ANO4: variants seen among roughly 807,000 people sequenced by gnomAD.
ANO4 encodes the protein anoctamin 4, also known as anoctamin-4.
A neutral mutation model predicts 141.9 loss-of-function variants in ANO4; 69 were observed. The observed-to-expected ratio is 0.49, with a 90% CI of 0.40 to 0.59. The LOEUF is 0.59. Among genes scored for constraint, ANO4 ranks in the 20% least tolerant of loss-of-function variants. The pLI is 0.00. For synonymous variants in ANO4, 350 were observed against 394.3 expected (o/e 0.89, Z 1.33); for missense variants, 894 against 1,162.2 (o/e 0.77, Z 3.36).
chr12:100,942,214 C>T (rs1426354794), intron 4 of ANO4, among the ~76,000 whole-genome samples, 163 bp from the exon 5 acceptor site: 5 of 151,984 alleles, frequency 3.3e-5, no homozygotes, highest in African/African-American at 4.8e-5. Flanking sequence ...CTCCTGACCT[C>T]GTGATCCACC....
intron 25 of ANO4, 35 bp from the exon 26 acceptor site, chr12:101,120,485 T>G: frequency 6.4e-7 from 1 of 1,556,360 alleles, no homozygotes; most frequent in East Asian, 2.2e-5. Context: ...AGAAAAATCA[T>G]AGTTTGAATG....
intron 14 of ANO4, chr12:101,068,566 G>A: frequency 1.4e-6 from 2 of 1,380,236 alleles, no homozygotes; most frequent in Non-Finnish European, 2.1e-6. Context: ...CTAAAGAGAT[G>A]TTTGGTGGCT....
intron 8 of ANO4, among the ~76,000 whole-genome samples, chr12:101,019,602 T>C (rs556459286): frequency 5.0e-4 from 76 of 152,266 alleles, no homozygotes; most frequent in Admixed American, 3.0e-3. Flanking sequence ...AACTCCTATA[T>C]CCACCACCCA....
chr12:101,042,816 T>G (rs1414136216), intron 12 of ANO4, among the ~76,000 whole-genome samples: 1 of 152,222 alleles, frequency 6.6e-6, no homozygotes, highest in Non-Finnish European at 1.5e-5. Flanking sequence ...CAATTCTCTC[T>G]TATGAATTCT....
Position 100,806,524 on chromosome 12 carries a change from G to GTTT in ANO4, c.-141+11531_-141+11533dup, listed in dbSNP as rs763949654. ...TTTTAGGAGGTTTTTTTTTTGTTTCGTTTTTTTTTTTTTTTTTTTTTTTTT... is the reference window on the plus strand; with the variant it reads ...TTTTAGGAGGTTTTTTTTTTGTTTCGTTTTTTTTTTTTTTTTTTTTTTTTTTTT... On this transcript the variant is annotated intron_variant, in intron 1 of 27. Coordinates refer to ENST00000392977, the MANE Select transcript of ANO4 (RefSeq NM_001286615.2). 3.0e-4 allele frequency among the ~76,000 whole-genome samples: 18 copies of GTTT among 59,828 alleles called. 3 individuals carry two copies. The highest frequency in any genetic ancestry group is 3.4e-4 in the African/African-American group (6 of 17,770). The allele number at this position is 59,828 out of a possible 152,430, so 39.2% of individuals were successfully genotyped here.
chr12:100,957,795 A>G (rs1007177770), intron 5 of ANO4, among the ~76,000 whole-genome samples: 4 of 152,210 alleles, frequency 2.6e-5, no homozygotes, highest in Non-Finnish European at 5.9e-5. Context: ...TATGAACTAA[A>G]TGATAATATT....
intron 10 of ANO4, 51 bp from the exon 11 acceptor site, chr12:101,039,904 C>T: frequency 6.4e-7 from 1 of 1,566,082 alleles, no homozygotes; most frequent in Non-Finnish European, 8.7e-7. Flanking sequence ...TCAGCATTTC[C>T]TTGTGACTTT....
At chr12:100,865,068 C>A (rs888163224) in intron 1 of ANO4, among the ~76,000 whole-genome samples, 2 of 152,100 alleles carry the variant, frequency 1.3e-5, no homozygotes, top group Admixed American at 6.5e-5. Flanking sequence ...TCTTTGCTAT[C>A]GTGAATAGTG....
intron 8 of ANO4, among the ~76,000 whole-genome samples, chr12:101,006,388 C>A (rs1181407320): frequency 6.6e-6 from 1 of 152,054 alleles, no homozygotes; most frequent in Non-Finnish European, 1.5e-5. Context: ...GAATAAGACC[C>A]CAAAATTTGA....
At chr12:100,767,523 G>T (rs910362911) in intron 3 of ANO4, among the ~76,000 whole-genome samples, 2 of 152,158 alleles carry the variant, frequency 1.3e-5, no homozygotes, top group Non-Finnish European at 2.9e-5. Context: ...TACCATGATG[G>T]TTAATCTGAT....
At chr12:100,792,121 A>G (rs926760040), upstream of ANO4, among the ~76,000 whole-genome samples, 1 of 151,922 alleles carries the variant, frequency 6.6e-6, no homozygotes, top group African/African-American at 2.4e-5. Context: ...TCCTTAGGCT[A>G]GTTACAGAAC....
chr12:101,021,911 C>T (rs1466847127), intron 9 of ANO4, among the ~76,000 whole-genome samples: 1 of 151,862 alleles, frequency 6.6e-6, no homozygotes, highest in African/African-American at 2.4e-5. Context: ...TAAAGTCTTA[C>T]AGTCAAATTC....
chr12:101,105,342 C>T (rs1486528690), intron 22 of ANO4, among the ~76,000 whole-genome samples: 1 of 152,104 alleles, frequency 6.6e-6, no homozygotes, highest in Admixed American at 6.5e-5. Context: ...AAATTTGTTC[C>T]TAAAGAACTA....
intron 8 of ANO4, 40 bp from the exon 9 acceptor site, chr12:101,019,994 C>A (rs765143925): frequency 1.3e-6 from 2 of 1,514,048 alleles, no homozygotes; most frequent in East Asian, 2.3e-5. Context: ...CCTTCACCTC[C>A]GATTAATTCT....
At position 101,099,544 on chromosome 12, in the gene ANO4, A is replaced by G. The variant is rs755705059; in HGVS notation, c.2007-34A>G. ...TATTACCTAAGTCATATGATCAGTTACATTTTTTGTAAGAAATTGATCTTT... is the reference window on the plus strand; with the variant it reads ...TATTACCTAAGTCATATGATCAGTTGCATTTTTTGTAAGAAATTGATCTTT... On this transcript the variant is annotated intron_variant, in intron 21 of 27. Coordinates refer to ENST00000392977, the MANE Select transcript of ANO4 (RefSeq NM_001286615.2). The G allele has an allele frequency of 1.0e-5, 16 of 1,558,164 alleles. 1 individual carries two copies. The highest frequency in any genetic ancestry group is 1.4e-5 in the Non-Finnish European group (16 of 1,158,904).
At chr12:100,771,397 A>C (rs2033292425) in intron 3 of ANO4, among the ~76,000 whole-genome samples, 1 of 152,208 alleles carries the variant, frequency 6.6e-6, no homozygotes, top group Admixed American at 6.5e-5. Flanking sequence ...TTAAGTTAAC[A>C]AGCCAAAATG....
chr12:101,126,121 GCTT>G (rs1476685114), intron 26 of ANO4, among the ~76,000 whole-genome samples: 19 of 152,262 alleles, frequency 1.2e-4, no homozygotes, highest in African/African-American at 2.4e-5. Flanking sequence ...ATGCAGAAAA[GCTT>G]CTTAATTTTG....
chr12:101,083,627 A>G (rs1014383274), intron 15 of ANO4, 51 bp from the exon 16 acceptor site: 62 of 1,551,048 alleles, frequency 4.0e-5, no homozygotes, highest in Non-Finnish European at 5.3e-5. Flanking sequence ...TTCTTTTTTT[A>G]TTGTGTGAGC....
chr12:100,969,251 T>C (rs974809197), intron 5 of ANO4, among the ~76,000 whole-genome samples: 2 of 152,332 alleles, frequency 1.3e-5, no homozygotes, highest in South Asian at 4.1e-4. Flanking sequence ...AAGATCCAAC[T>C]ATGAATAACA....
Sources: allele counts gnomAD v4.1 joint callset (sites outside exome capture counted in the v4.1 genomes callset), GRCh38; gene constraint gnomAD v4.1.1; transcripts MANE v1.5; gene names NCBI Gene and HGNC (gene_info 2026-07-23, HGNC 2026-07-21).